The following RSPO2 variants were observed in gnomAD, a reference collection of about 807,000 sequenced individuals.
RSPO2 encodes R-spondin-2.
Under a neutral mutation model 30.9 loss-of-function variants are expected in RSPO2, and 14 were observed. The observed-to-expected ratio is 0.45, with a 90% CI of 0.30 to 0.71. RSPO2 has a LOEUF of 0.71. Ranked by LOEUF, RSPO2 falls within the 30% of genes least tolerant of loss-of-function variation. The pLI, the probability that RSPO2 is intolerant of heterozygous loss-of-function variation, is 0.08. For missense variants in RSPO2, 264 were observed against 301.9 expected, an observed-to-expected ratio of 0.87 and a Z score of 0.93; for synonymous variants, 107 against 96.4, an observed-to-expected ratio of 1.11 and a Z score of -0.64.
chr8:108,055,913 G>A (rs1812228973), intron 2 of RSPO2, among the ~76,000 whole-genome samples: 1 of 152,096 alleles, frequency 6.6e-6, no homozygotes, highest in Admixed American at 6.5e-5. Context: ...TTTCCATCTC[G>A]TGGTTAAGAG....
chr8:108,076,016 A>C (rs1813003279), intron 2 of RSPO2, among the ~76,000 whole-genome samples: 1 of 152,232 alleles, frequency 6.6e-6, no homozygotes, highest in African/African-American at 2.4e-5. Context: ...AGAGTCCTTT[A>C]AGAATAGCCC....
intron 4 of RSPO2, among the ~76,000 whole-genome samples, chr8:107,960,263 T>A (rs1586580144): frequency 6.6e-6 from 1 of 151,972 alleles, no homozygotes; most frequent in African/African-American, 2.4e-5. Flanking sequence ...TTTTTTTTTT[T>A]AAACAAACAG....
Position 107,904,252 on chromosome 8 carries a change from G to A in RSPO2, c.617-3062C>T, listed in dbSNP as rs181138662. Among the ~76,000 whole-genome samples, 250 of 151,826 alleles carry A rather than the reference G, an allele frequency of 1.6e-3. 2 individuals carry two copies. The highest frequency in any genetic ancestry group is 3.0e-3 in the Non-Finnish European group (204 of 67,900). On this transcript the variant is annotated intron_variant, in intron 5 of 5. Transcript: ENST00000276659. ...ATATGCTATACGGGAAGTATTTAAA[G>A]GCAAATATGATGGCAGTCACCCAAC...
chr8:108,051,530 A>G (rs1407123145), intron 2 of RSPO2, among the ~76,000 whole-genome samples: 1 of 152,240 alleles, frequency 6.6e-6, no homozygotes, highest in African/African-American at 2.4e-5. Context: ...CAATAAAAAT[A>G]GCAATGCGTG....
intron 5 of RSPO2, among the ~76,000 whole-genome samples, chr8:107,926,053 C>G (rs1219753124): frequency 2.0e-5 from 3 of 152,288 alleles, no homozygotes; most frequent in African/African-American, 7.2e-5. Context: ...TCTCCACATC[C>G]TCTCCAGCAC....
At chr8:108,019,616 G>A (rs866939475) in intron 2 of RSPO2, among the ~76,000 whole-genome samples, 1 of 151,926 alleles carries the variant, frequency 6.6e-6, no homozygotes, top group Non-Finnish European at 1.5e-5. Flanking sequence ...AAAAAACTTT[G>A]CCCTCAAATC....
chr8:107,971,517 AC>A (rs1813997767), intron 3 of RSPO2, among the ~76,000 whole-genome samples: 1 of 152,204 alleles, frequency 6.6e-6, no homozygotes, highest in Non-Finnish European at 1.5e-5. Flanking sequence ...ACGTCTCACA[AC>A]AGGCAGCTAC....
chr8:107,947,277 C>T (rs1813094346), intron 5 of RSPO2, among the ~76,000 whole-genome samples: 1 of 152,138 alleles, frequency 6.6e-6, no homozygotes, highest in Non-Finnish European at 1.5e-5. Flanking sequence ...TCCAAGCTGG[C>T]TAGTACAGGA....
At chr8:107,945,094 A>G (rs1226741341) in intron 5 of RSPO2, among the ~76,000 whole-genome samples, 1 of 152,058 alleles carries the variant, frequency 6.6e-6, no homozygotes, top group Non-Finnish European at 1.5e-5. Context: ...ATCTTTGTAA[A>G]TGAATCATCA....
intron 2 of RSPO2, among the ~76,000 whole-genome samples, chr8:107,998,157 C>T (rs1815093569): frequency 1.3e-5 from 2 of 151,882 alleles, no homozygotes; most frequent in African/African-American, 4.8e-5. Context: ...CTAATGTATG[C>T]CTCTTCTTAA....
chr8:108,070,239 G>A (rs1212236558), intron 2 of RSPO2, among the ~76,000 whole-genome samples: 7 of 149,886 alleles, frequency 4.7e-5, no homozygotes, highest in East Asian at 3.9e-4. Context: ...TGGGAGGATC[G>A]CTTGAGCCCA....
chr8:108,002,097 A>G (rs1336034464), intron 2 of RSPO2, among the ~76,000 whole-genome samples: 1 of 152,218 alleles, frequency 6.6e-6, no homozygotes, highest in Non-Finnish European at 1.5e-5. Context: ...CCTTAGCTTG[A>G]AACTGCTGTG....
At chr8:108,068,738 A>G (rs1812745747) in intron 2 of RSPO2, among the ~76,000 whole-genome samples, 1 of 152,210 alleles carries the variant, frequency 6.6e-6, no homozygotes, top group Admixed American at 6.5e-5. Flanking sequence ...ATGTGAACAT[A>G]GAAGCAGAGA....
chr8:107,953,175 T>A (rs1046907836), intron 5 of RSPO2, among the ~76,000 whole-genome samples: 2 of 152,184 alleles, frequency 1.3e-5, no homozygotes, highest in African/African-American at 4.8e-5. Flanking sequence ...CAGAGCCTTC[T>A]GATGTGGAGA....
chr8:107,968,088 C>T (rs1404449532), intron 3 of RSPO2, among the ~76,000 whole-genome samples: 1 of 152,064 alleles, frequency 6.6e-6, no homozygotes, highest in Non-Finnish European at 1.5e-5. Flanking sequence ...AATCCCACTG[C>T]TGAGTATATA....
chr8:108,078,704 G>A lies in RSPO2; in HGVS notation c.94+3841C>T, dbSNP rs561318855. ...TGGAAGAAACTATATCTAATTTTGTGAAACAAGGAGTTATTAGAGGAAGGA... is the reference window on the plus strand; with the variant it reads ...TGGAAGAAACTATATCTAATTTTGTAAAACAAGGAGTTATTAGAGGAAGGA... On this transcript the variant is annotated intron_variant, in intron 2 of 5. Coordinates refer to ENST00000276659, the MANE Select transcript of RSPO2 (RefSeq NM_178565.5). 3.3e-5 allele frequency among the ~76,000 whole-genome samples: 5 copies of A among 152,226 alleles called. No individual in the cohort carries two copies. The East Asian group carries it at 9.7e-4, about 29-fold the overall frequency.
chr8:107,965,180 C>T (rs1316403159), intron 3 of RSPO2, among the ~76,000 whole-genome samples: 1 of 152,156 alleles, frequency 6.6e-6, no homozygotes, highest in East Asian at 1.9e-4. Flanking sequence ...GTTCAGCCAA[C>T]TTACATGCTT....
intron 5 of RSPO2, among the ~76,000 whole-genome samples, chr8:107,929,548 G>A (rs1399044269): frequency 6.6e-6 from 1 of 152,136 alleles, no homozygotes; most frequent in East Asian, 1.9e-4. Flanking sequence ...GAGAGAGAGG[G>A]AGGACAGAGA....
chr8:107,967,792 G>A (rs1040673489), intron 3 of RSPO2, among the ~76,000 whole-genome samples: 1 of 152,168 alleles, frequency 6.6e-6, no homozygotes, highest in Non-Finnish European at 1.5e-5. Flanking sequence ...TAAGAACTAT[G>A]TGGAGAATAT....
Sources: gnomAD v4.1 joint callset for allele counts (sites outside exome capture counted in the v4.1 genomes callset) on GRCh38, gnomAD v4.1.1 for gene constraint, MANE v1.5 for transcripts, NCBI Gene and HGNC (gene_info 2026-07-23, HGNC 2026-07-21) for gene names.